FAM149A: variants seen among roughly 807,000 people sequenced by gnomAD.
The protein encoded by FAM149A is protein FAM149A.
In FAM149A, 71 loss-of-function variants were observed where a neutral mutation model predicts 78.2. That is an observed-to-expected ratio of 0.91 (90% CI 0.75 to 1.11). The LOEUF is 1.11. Among genes scored for constraint, FAM149A ranks in the 50% least tolerant of loss-of-function variants. The pLI is 0.00. For synonymous variants in FAM149A, 446 were observed against 410.5 expected (o/e 1.09, Z -1.04); for missense variants, 1,036 against 971.0 (o/e 1.07, Z -0.89).
At chr4:186,108,220 A>C (rs1225055628) in intron 1 of FAM149A, among the ~76,000 whole-genome samples, 1 of 148,048 alleles carries the variant, frequency 6.8e-6, no homozygotes, top group Non-Finnish European at 1.5e-5. Context: ...GAAATGGGTA[A>C]TGTCAGAGAA....
rs1297684825 is a variant in FAM149A, at chr4:186,105,227, G to A, written c.151G>A (p.Ala51Thr). ...CAGGGCGGGCACCCCGTTGGGTACC[G>A]CCCCGACCCTCCTCCGCGCCCTGGC... The change falls in exon 1 of 14, where the codon GCC (alanine) becomes ACC (threonine). Residue 51 changes from alanine to threonine, a missense_variant. Ala to Thr is a moderately conservative substitution (Grantham distance 58). Coordinates refer to ENST00000389354, the MANE Select transcript of FAM149A (RefSeq NM_001367768.3). 4.0e-6 allele frequency: 5 copies of A among 1,251,770 alleles called. No homozygotes were observed. Among genetic ancestry groups the A allele is most frequent in the Non-Finnish European group, 1.0e-6 (1 of 973,480 alleles). The allele number at this position is 1,251,770 out of a possible 1,614,324, so 77.5% of individuals were successfully genotyped here.
chr4:186,109,049 A>C (rs145574097), intron 1 of FAM149A: 4 of 211,764 alleles, frequency 1.9e-5, no homozygotes, highest in Non-Finnish European at 3.3e-5. Flanking sequence ...GGGTTTCACC[A>C]TGTTAGCCAG....
At position 186,171,906 on chromosome 4, in the gene FAM149A, G is replaced by A; in HGVS notation, c.2219-8G>A. On this transcript the variant is annotated splice_region_variant and splice_polypyrimidine_tract_variant and intron_variant, in intron 13 of 13. Coordinates refer to ENST00000389354, the MANE Select transcript of FAM149A (RefSeq NM_001367768.3). ...TAATGAGAATTACCTTTTGCTTGGT[G>A]TTTCCAGGTTCACAATATGTGCCTA... The A allele has an allele frequency of 6.2e-7, 1 of 1,602,070 alleles. No homozygotes were observed. The highest frequency in any genetic ancestry group is 8.5e-7 in the Non-Finnish European group (1 of 1,175,412).
chr4:186,105,686 C>A (rs2099308450), intron 1 of FAM149A, 44 bp downstream of exon 1: 4 of 1,025,518 alleles, frequency 3.9e-6, no homozygotes, highest in South Asian at 6.2e-5. Flanking sequence ...TTTGCCGGGA[C>A]CCCCGACCCC....
At chr4:186,160,031 CCCCACA>C (rs1734416276) in intron 8 of FAM149A, among the ~76,000 whole-genome samples, 2 of 141,462 alleles carry the variant, frequency 1.4e-5, no homozygotes, top group Admixed American at 7.1e-5. Context: ...CAAACACACA[CCCCACA>C]CAAACACACC....
At chr4:186,170,635 G>T (rs1345722667) in intron 13 of FAM149A, among the ~76,000 whole-genome samples, 1 of 152,200 alleles carries the variant, frequency 6.6e-6, no homozygotes, top group African/African-American at 2.4e-5. Flanking sequence ...CGCAGAGCAG[G>T]CAGGGCCCCC....
At position 186,164,734 on chromosome 4, in the gene FAM149A, A is replaced by G. The variant is rs7669101; in HGVS notation, c.1890-610A>G. The stretch of plus-strand genomic sequence containing the variant: ...CCTGTCACACCTTCATCAAATAGAA[A>G]CCCATTTATGTTTCCTACTGAGATA... On this transcript the variant is annotated intron_variant, in intron 10 of 13. Transcript: ENST00000389354. The surrounding 1 kb of genome is among the most constrained non-coding windows in gnomAD (Gnocchi z 4.0). Among the ~76,000 whole-genome samples the G allele has an allele frequency of 0.15, 23,293 of 151,880 alleles. 2,121 individuals carry two copies. Among genetic ancestry groups the G allele is most frequent in the East Asian group, 0.44 (2,276 of 5,144 alleles).
chr4:186,151,698 G>T (rs765196338), intron 3 of FAM149A: 35 of 984,610 alleles, frequency 3.6e-5, no homozygotes, highest in Non-Finnish European at 4.0e-5. Context: ...AACAGTAAAA[G>T]AATCCGAGGC....
chr4:186,111,413 G>T lies in FAM149A; in HGVS notation c.566+5771G>T, dbSNP rs1047452677. Among the ~76,000 whole-genome samples, 15 of 151,886 alleles carry T rather than the reference G, an allele frequency of 9.9e-5. 1 individual carries two copies. The highest frequency in any genetic ancestry group is 3.6e-4 in the African/African-American group (15 of 41,194). ...TCTTTAGTTTAATTAGATCCCTTTT[G>T]TCAATTTTGTCTTTTGTTGCCATTG... On this transcript the variant is annotated intron_variant, in intron 1 of 13. Coordinates refer to ENST00000389354, the MANE Select transcript of FAM149A (RefSeq NM_001367768.3).
In FAM149A at chr4:186,104,852, G is replaced by A; in HGVS notation, c.-225G>A. The A allele has an allele frequency of 1.6e-6, 1 of 620,898 alleles. No individual in the cohort carries two copies. The highest frequency in any genetic ancestry group is 2.0e-6 in the Non-Finnish European group (1 of 496,806). The allele number at this position is 620,898 out of a possible 1,614,324, so 38.5% of individuals were successfully genotyped here. A position where few individuals can be genotyped will look rare whatever the true frequency, so the allele number is the denominator to read the frequency against. ...TCTCACGGCGCTGGGACGAGGCGGG[G>A]CTGCTCTCCGCAGCCGGGGCGCTCG... On this transcript the variant is annotated 5_prime_UTR_variant, in exon 1 of 14. Coordinates refer to ENST00000389354, the MANE Select transcript of FAM149A (RefSeq NM_001367768.3).
chr4:186,160,742 C>CA (rs1467270218), intron 8 of FAM149A: 1 of 946,082 alleles, frequency 1.1e-6, no homozygotes, highest in African/African-American at 1.8e-5. Context: ...ACCCCACACA[C>CA]ACCACACCAC....
rs1228497808 is a variant in FAM149A at position 186,172,687 on chromosome 4, G to A, written c.*700G>A. 2.4e-4 allele frequency: 27 copies of A among 111,964 alleles called. 5 individuals are homozygous for A. Among genetic ancestry groups the A allele is most frequent in the Middle Eastern group, 9.6e-3 (2 of 208 alleles). The allele number at this position is 111,964 out of a possible 1,614,324, so 6.9% of individuals were successfully genotyped here. On this transcript the variant is annotated 3_prime_UTR_variant, in exon 14 of 14. Transcript: ENST00000389354. ...TATGGCAGGTGATGTCATCTTTATTGTTTACAGTCGAAGCTCCTCCATGGG... is the reference window on the plus strand; with the variant it reads ...TATGGCAGGTGATGTCATCTTTATTATTTACAGTCGAAGCTCCTCCATGGG...
At position 186,105,287 on chromosome 4, in the gene FAM149A, G is replaced by T; in HGVS notation, c.211G>T (p.Ala71Ser). The change falls in exon 1 of 14, where the codon GCC becomes TCC. Residue 71 changes from alanine (A) to serine (S), a missense_variant. This residue lies in a region of FAM149A where 316 missense variants were observed against 241.9 expected (regional missense o/e 1.31). Coordinates refer to ENST00000389354, the MANE Select transcript of FAM149A (RefSeq NM_001367768.3). ...CCCCTCCGCCTCGCGGCGGTCGCCCGCCCCGCTGCTCTCCTCCCCCTACTC... is the reference window on the plus strand; with the variant it reads ...CCCCTCCGCCTCGCGGCGGTCGCCCTCCCCGCTGCTCTCCTCCCCCTACTC... 1 of 1,191,118 alleles carries T rather than the reference G, an allele frequency of 8.4e-7. No individual in the cohort carries two copies. The highest frequency in any genetic ancestry group is 8.3e-5 in the East Asian group (1 of 11,998). 73.8% of individuals were successfully genotyped at this position (1,191,118 alleles called of 1,614,324 possible). A position where few individuals can be genotyped will look rare whatever the true frequency, so the allele number is the denominator to read the frequency against.
intron 1 of FAM149A, chr4:186,146,396 A>G (rs1303622685): frequency 2.1e-5 from 19 of 917,036 alleles, no homozygotes; most frequent in Non-Finnish European, 2.5e-5. Flanking sequence ...GCATCCCAAG[A>G]CCTCCTGGGC....
chr4:186,158,420 G>C, intron 8 of FAM149A: 1 of 1,181,206 alleles, frequency 8.5e-7, no homozygotes. Flanking sequence ...CTGGCTCAGG[G>C]AGTTCTGGGC....
intron 8 of FAM149A, among the ~76,000 whole-genome samples, chr4:186,162,069 T>C (rs1734648598): frequency 1.3e-5 from 2 of 152,118 alleles, no homozygotes; most frequent in South Asian, 4.1e-4. Flanking sequence ...GAAGAGGGAG[T>C]TAAGAATTAC....
At chr4:186,127,015 G>T in intron 1 of FAM149A, 1 of 985,406 alleles carries the variant, frequency 1.0e-6, no homozygotes, top group Non-Finnish European at 1.2e-6. Flanking sequence ...TGGTAGAGCT[G>T]TCGCGTATGC....
chr4:186,136,994 C>CTCTCTCTT (rs2099323498), intron 1 of FAM149A, among the ~76,000 whole-genome samples: 4 of 136,462 alleles, frequency 2.9e-5, no homozygotes, highest in African/African-American at 1.1e-4. Context: ...CTCTCTCTCT[C>CTCTCTCTT]TCTCTCTCTC....
At position 186,105,256 on chromosome 4, in the gene FAM149A, G is replaced by C; in HGVS notation, c.180G>C (p.Pro60=). Residue 60 remains proline (P), a synonymous_variant, in exon 1 of 14, where the codon CCG becomes CCC. Transcript: ENST00000389354. ...CGACCCTCCTCCGCGCCCTGGCTCC[G>C]GACTCCCCCTCCGCCTCGCGGCGGT... 1 of 1,218,944 alleles carries C rather than the reference G, an allele frequency of 8.2e-7. No homozygotes were observed. The highest frequency in any genetic ancestry group is 1.0e-6 in the Non-Finnish European group (1 of 959,778). The allele number at this position is 1,218,944 out of a possible 1,614,324, so 75.5% of individuals were successfully genotyped here. A position where few individuals can be genotyped will look rare whatever the true frequency, so the allele number is the denominator to read the frequency against.
Sources: gnomAD v4.1 joint callset for allele counts (sites outside exome capture counted in the v4.1 genomes callset) on GRCh38, gnomAD v4.1.1 for gene constraint, gnomAD v4.1.1 regional missense constraint, Gnocchi (gnomAD v3.1) non-coding constraint, MANE v1.5 for transcripts, NCBI Gene and HGNC (gene_info 2026-07-23, HGNC 2026-07-21) for gene names.